The following TBC1D16 variants were observed in gnomAD, a reference collection of about 807,000 sequenced individuals.
TBC1D16 encodes the protein CTD-2529O21.1.
A neutral mutation model predicts 74.7 loss-of-function variants in TBC1D16; 58 were observed. The ratio of observed to expected loss-of-function variants is 0.78; its 90% CI spans 0.63 to 0.97. The LOEUF is 0.97. Ranked by LOEUF, TBC1D16 falls within the 50% of genes least tolerant of loss-of-function variation. The pLI, the probability that TBC1D16 is intolerant of heterozygous loss-of-function variation, is 0.00. For synonymous variants in TBC1D16, 493 were observed against 474.7 expected (o/e 1.04, Z -0.50); for missense variants, 1,014 against 1,079.5 (o/e 0.94, Z 0.85).
At position 80,007,563 on chromosome 17, in the gene TBC1D16, C is replaced by A. The variant is rs2035724279; in HGVS notation, c.779+2597G>T. On this transcript the variant is annotated intron_variant, in intron 3 of 11. Transcript: ENST00000310924. The surrounding 1 kb of genome is among the most constrained non-coding windows in gnomAD (Gnocchi z 4.5). Reference sequence around the variant, plus strand: ...CTCAGTGGGGACTCGAGTGTCAGAGCAGAGAAGGGGGCCATGGGGAGGGCC... The same window carrying A: ...CTCAGTGGGGACTCGAGTGTCAGAGAAGAGAAGGGGGCCATGGGGAGGGCC... Among the ~76,000 whole-genome samples the A allele has an allele frequency of 3.3e-5, 5 of 152,154 alleles. No individual in the cohort carries two copies. In the South Asian group the frequency reaches 1.0e-3, roughly 32 times the overall value.
At chr17:80,011,313 C>CTG (rs1197451352) in intron 2 of TBC1D16, among the ~76,000 whole-genome samples, 3 of 151,700 alleles carry the variant, frequency 2.0e-5, no homozygotes, top group African/African-American at 7.3e-5. Flanking sequence ...TCCCAAAGTG[C>CTG]TAGGATTACA....
rs975029912 is a variant in TBC1D16, at chr17:79,990,130, C to G, written c.779+20030G>C. 1.3e-5 allele frequency among the ~76,000 whole-genome samples: 2 copies of G among 152,366 alleles called. No homozygotes were observed. Among genetic ancestry groups the G allele is most frequent in the Admixed American group, 6.5e-5 (1 of 15,310 alleles). ...GGTTTTCCCACACTCCATGTCAGGTCTCTGACATGAACCAGCTTTCAGAGT... is the reference window on the plus strand; with the variant it reads ...GGTTTTCCCACACTCCATGTCAGGTGTCTGACATGAACCAGCTTTCAGAGT... On this transcript the variant is annotated intron_variant, in intron 3 of 11. Transcript: ENST00000310924. This position sits in a 1 kb window ranked among gnomAD's most constrained non-coding sequence, Gnocchi z 4.8.
In TBC1D16 at chr17:79,952,684, T is replaced by C; in HGVS notation, c.914A>G (p.His305Arg). ...ICGVFRVDLG[H>R]MRSLRLFFSD... ...GAAGAAAAGGCGGAGGGAGCGCATG[T>C]GGCCCAGGTCCACGCGGAACACGCC... The change falls in exon 4 of 12, where the codon CAC becomes CGC. Residue 305 changes from histidine (H) to arginine (R), a missense_variant. Coordinates refer to ENST00000310924, the MANE Select transcript of TBC1D16 (RefSeq NM_019020.4). 6.2e-7 allele frequency: 1 copy of C among 1,603,038 alleles called. No homozygotes were observed. Among genetic ancestry groups the C allele is most frequent in the Non-Finnish European group, 8.5e-7 (1 of 1,171,670 alleles).
intron 1 of TBC1D16, among the ~76,000 whole-genome samples, chr17:80,029,863 C>T (rs2036714251): frequency 6.6e-6 from 1 of 152,158 alleles, no homozygotes; most frequent in African/African-American, 2.4e-5. Context: ...ATCAGCAGGG[C>T]TGGTTCCTCC....
chr17:80,009,136 G>A lies in TBC1D16; in HGVS notation c.779+1024C>T, dbSNP rs533781846. On this transcript the variant is annotated intron_variant, in intron 3 of 11. Coordinates refer to ENST00000310924, the MANE Select transcript of TBC1D16 (RefSeq NM_019020.4). This position sits in a 1 kb window ranked among gnomAD's most constrained non-coding sequence, Gnocchi z 5.4. ...CCATCCATAGCCCACGGTGTCCAGCGCCCAGGCGAGACCCAGACCACCCAC... is the reference window on the plus strand; with the variant it reads ...CCATCCATAGCCCACGGTGTCCAGCACCCAGGCGAGACCCAGACCACCCAC... Among the ~76,000 whole-genome samples, 3 of 152,362 alleles carry A rather than the reference G, an allele frequency of 2.0e-5. No homozygotes were observed. The highest frequency in any genetic ancestry group is 7.2e-5 in the African/African-American group (3 of 41,596).
At chr17:80,024,925 T>C (rs111171057) in intron 1 of TBC1D16, among the ~76,000 whole-genome samples, 4,678 of 75,228 alleles carry the variant, frequency 0.062, 579 homozygotes, top group African/African-American at 0.24. Flanking sequence ...CCACACACCA[T>C]AGACACACAC....
chr17:79,979,284 C>T lies in TBC1D16; in HGVS notation c.780-26466G>A, dbSNP rs546400996. ...TGCACACCCACGCCCAGAGCACACGCGCTCCGGGGACGCACACCCACGCCC... is the reference window on the plus strand; with the variant it reads ...TGCACACCCACGCCCAGAGCACACGTGCTCCGGGGACGCACACCCACGCCC... On this transcript the variant is annotated intron_variant, in intron 3 of 11. Coordinates refer to ENST00000310924, the MANE Select transcript of TBC1D16 (RefSeq NM_019020.4). The surrounding 1 kb of genome is among the most constrained non-coding windows in gnomAD (Gnocchi z 4.8). Among the ~76,000 whole-genome samples, 5 of 152,118 alleles carry T rather than the reference C, an allele frequency of 3.3e-5. No individual in the cohort carries two copies. The highest frequency in any genetic ancestry group is 1.9e-4 in the East Asian group (1 of 5,158).
At chr17:80,028,873 A>G (rs1380362705) in intron 1 of TBC1D16, among the ~76,000 whole-genome samples, 1 of 151,954 alleles carries the variant, frequency 6.6e-6, no homozygotes, top group Non-Finnish European at 1.5e-5. Context: ...CGACCTCCCA[A>G]AGCGCCGGGA....
Position 79,998,634 on chromosome 17 carries a change from C to T in TBC1D16, c.779+11526G>A, listed in dbSNP as rs971374125. On this transcript the variant is annotated intron_variant, in intron 3 of 11. Coordinates refer to ENST00000310924, the MANE Select transcript of TBC1D16 (RefSeq NM_019020.4). ...CGCTGGGATTACAGGTGTGAGCCACCGCACCCGGCCCAGATTGGCTTCTTC... is the reference window on the plus strand; with the variant it reads ...CGCTGGGATTACAGGTGTGAGCCACTGCACCCGGCCCAGATTGGCTTCTTC... Among the ~76,000 whole-genome samples, 8 of 151,624 alleles carry T rather than the reference C, an allele frequency of 5.3e-5. No homozygotes were observed. In the East Asian group the frequency reaches 7.7e-4, roughly 15 times the overall value.
intron 4 of TBC1D16, among the ~76,000 whole-genome samples, chr17:79,952,417 A>AC (rs926562997): frequency 1.1e-3 from 163 of 152,344 alleles, no homozygotes; most frequent in African/African-American, 3.7e-3. Flanking sequence ...ACCGCTGGCT[A>AC]CCATCACGCT....
Position 79,950,001 on chromosome 17 carries a change from G to C in TBC1D16, c.1258-136C>G, listed in dbSNP as rs965014092. 1.2e-5 allele frequency: 14 copies of C among 1,146,560 alleles called. No homozygotes were observed. Among genetic ancestry groups the C allele is most frequent in the Non-Finnish European group, 1.7e-5 (14 of 823,602 alleles). The allele number at this position is 1,146,560 out of a possible 1,614,324, so 71.0% of individuals were successfully genotyped here. A position where few individuals can be genotyped will look rare whatever the true frequency, so the allele number is the denominator to read the frequency against. The stretch of plus-strand genomic sequence containing the variant: ...CTCTGCAATTTGCACATATTTACAA[G>C]GGGAAAGCAGTGGCCTTCAATTCCC... On this transcript the variant is annotated intron_variant, in intron 6 of 11. Coordinates refer to ENST00000310924, the MANE Select transcript of TBC1D16 (RefSeq NM_019020.4). This position sits in a 1 kb window ranked among gnomAD's most constrained non-coding sequence, Gnocchi z 4.6.
chr17:80,025,115 C>CATACCATGACACACG (rs1378974240), intron 1 of TBC1D16, among the ~76,000 whole-genome samples: 1 of 81,804 alleles, frequency 1.2e-5, no homozygotes, highest in Non-Finnish European at 2.4e-5. Flanking sequence ...CACACAAACA[C>CATACCATGACACACG]CACAGACACA....
rs1055955816 is a variant in TBC1D16 at position 79,979,506 on chromosome 17, G to A, written c.780-26688C>T. Among the ~76,000 whole-genome samples the A allele has an allele frequency of 2.0e-5, 3 of 152,186 alleles. No individual in the cohort carries two copies. Among genetic ancestry groups the A allele is most frequent in the Non-Finnish European group, 2.9e-5 (2 of 68,038 alleles). ...CGCATAGCTGCAAATGCATCTGGGCGTGAAGACGTCCCTGTGTCATCTCTG... is the reference window on the plus strand; with the variant it reads ...CGCATAGCTGCAAATGCATCTGGGCATGAAGACGTCCCTGTGTCATCTCTG... On this transcript the variant is annotated intron_variant, in intron 3 of 11. Coordinates refer to ENST00000310924, the MANE Select transcript of TBC1D16 (RefSeq NM_019020.4). This position sits in a 1 kb window ranked among gnomAD's most constrained non-coding sequence, Gnocchi z 4.8.
Position 79,979,582 on chromosome 17 carries a change from C to T in TBC1D16, c.780-26764G>A, listed in dbSNP as rs1316757801. ...CAAATACTTTTAGGGGACAGAAAGA[C>T]GCTCACGGTTCCTGTCGCAGGTCCA... is the stretch of plus-strand genomic sequence containing the variant. On this transcript the variant is annotated intron_variant, in intron 3 of 11. Coordinates refer to ENST00000310924, the MANE Select transcript of TBC1D16 (RefSeq NM_019020.4). This position sits in a 1 kb window ranked among gnomAD's most constrained non-coding sequence, Gnocchi z 4.8. 1.3e-5 allele frequency among the ~76,000 whole-genome samples: 2 copies of T among 152,100 alleles called. No homozygotes were observed. Among genetic ancestry groups the T allele is most frequent in the Non-Finnish European group, 2.9e-5 (2 of 68,034 alleles).
chr17:80,012,686 T>C (rs1006824832), intron 2 of TBC1D16, among the ~76,000 whole-genome samples: 5 of 152,118 alleles, frequency 3.3e-5, no homozygotes, highest in African/African-American at 1.2e-4. Context: ...GCTGGGATTA[T>C]AGGTGTGAAC....
rs2035774009 is a variant in TBC1D16 at position 80,008,882 on chromosome 17, C to T, written c.779+1278G>A. ...TGCTGAGGCCAGCAAAGCCTGTGTCCTTACTTCATGCCCCACCACTCCCCG... is the reference window on the plus strand; with the variant it reads ...TGCTGAGGCCAGCAAAGCCTGTGTCTTTACTTCATGCCCCACCACTCCCCG... On this transcript the variant is annotated intron_variant, in intron 3 of 11. Transcript: ENST00000310924. The surrounding 1 kb of genome is among the most constrained non-coding windows in gnomAD (Gnocchi z 4.5). Among the ~76,000 whole-genome samples, 1 of 152,238 alleles carries T rather than the reference C, an allele frequency of 6.6e-6. No individual in the cohort carries two copies. The highest frequency in any genetic ancestry group is 1.5e-5 in the Non-Finnish European group (1 of 68,034).
chr17:79,950,944 C>A lies in TBC1D16; in HGVS notation c.1090-366G>T. On this transcript the variant is annotated intron_variant, in intron 5 of 11. Transcript: ENST00000310924. The surrounding 1 kb of genome is among the most constrained non-coding windows in gnomAD (Gnocchi z 4.6). ...CACATACAAAGGGATCGCTGTTCTGCGAGCAGGGAGCCAGCCTGTCAGATT... is the reference window on the plus strand; with the variant it reads ...CACATACAAAGGGATCGCTGTTCTGAGAGCAGGGAGCCAGCCTGTCAGATT... 3 of 1,209,148 alleles carry A rather than the reference C, an allele frequency of 2.5e-6. No homozygotes were observed. The highest frequency in any genetic ancestry group is 3.4e-6 in the Non-Finnish European group (3 of 894,750). The allele number at this position is 1,209,148 out of a possible 1,614,324, so 74.9% of individuals were successfully genotyped here.
intron 3 of TBC1D16, among the ~76,000 whole-genome samples, chr17:79,973,979 G>A (rs117312726): frequency 8.4e-4 from 128 of 152,314 alleles, no homozygotes; most frequent in Admixed American, 1.3e-3. Context: ...GAGAACTTCC[G>A]CCTTCTCGCT....
At chr17:80,030,225 ACTG>A (rs1214102211) in intron 1 of TBC1D16, among the ~76,000 whole-genome samples, 1 of 152,120 alleles carries the variant, frequency 6.6e-6, no homozygotes, top group Non-Finnish European at 1.5e-5. Context: ...AACCGAGGAC[ACTG>A]TAAGGAGCTG....
Sources: gnomAD v4.1 joint callset for allele counts (sites outside exome capture counted in the v4.1 genomes callset) on GRCh38, gnomAD v4.1.1 for gene constraint, Gnocchi (gnomAD v3.1) non-coding constraint, MANE v1.5 for transcripts, NCBI Gene and HGNC (gene_info 2026-07-23, HGNC 2026-07-21) for gene names.